The following SAMD5 variants were observed in gnomAD, a reference collection of about 807,000 sequenced individuals.
The protein encoded by SAMD5 is sterile alpha motif domain-containing protein 5.
In SAMD5, 13 loss-of-function variants were observed where a neutral mutation model predicts 11.3. The ratio of observed to expected loss-of-function variants is 1.15; its 90% CI spans 0.75 to 1.83. SAMD5 has a LOEUF of 1.83. Among genes scored for constraint, SAMD5 ranks in the 40% most tolerant of loss-of-function variants. The pLI is 0.00. For synonymous variants in SAMD5, 129 were observed against 111.3 expected (o/e 1.16, Z -1.00); for missense variants, 255 against 239.1 (o/e 1.07, Z -0.44).
chr6:147,617,522 A>G (rs936335325), intron 1 of SAMD5, among the ~76,000 whole-genome samples: 1 of 152,262 alleles, frequency 6.6e-6, no homozygotes, highest in African/African-American at 2.4e-5. Flanking sequence ...AGCTTTATGA[A>G]ATGGAATTGC....
chr6:147,553,003 G>T (rs1788798811), intron 1 of SAMD5, among the ~76,000 whole-genome samples: 1 of 152,148 alleles, frequency 6.6e-6, no homozygotes, highest in African/African-American at 2.4e-5. Flanking sequence ...CTCCTTAGGG[G>T]TGGGTTTACA....
chr6:147,741,760 T>C (rs1791882406), downstream of SAMD5: 1 of 152,230 alleles, frequency 6.6e-6, no homozygotes, highest in African/African-American at 2.4e-5. Context: ...CTGAGGGTAG[T>C]GTGTTACCAC....
chr6:147,531,569 T>G (rs888574498), intron 1 of SAMD5, among the ~76,000 whole-genome samples: 1 of 152,182 alleles, frequency 6.6e-6, no homozygotes, highest in Non-Finnish European at 1.5e-5. Context: ...CTGGGACACA[T>G]TCCTCCATTT....
chr6:147,698,504 C>G (rs1283200188), intron 1 of SAMD5, among the ~76,000 whole-genome samples: 1 of 152,180 alleles, frequency 6.6e-6, no homozygotes, highest in Non-Finnish European at 1.5e-5. Flanking sequence ...AAATAATATT[C>G]AGACTCAAAA....
At chr6:147,836,959 A>G in the SAMD5 span, among the ~76,000 whole-genome samples, 25 of 152,216 alleles carry the variant, frequency 1.6e-4, no homozygotes, top group African/African-American at 5.5e-4. Context: ...CAAAAGAAAA[A>G]CAGAAGGGAT....
the SAMD5 span, among the ~76,000 whole-genome samples, chr6:147,899,614 C>T: frequency 6.6e-6 from 1 of 152,150 alleles, no homozygotes; most frequent in African/African-American, 2.4e-5. Context: ...GACCCTGCCG[C>T]TCCCTCTTGT....
chr6:147,903,090 G>A, the SAMD5 span, among the ~76,000 whole-genome samples: 1 of 152,170 alleles, frequency 6.6e-6, no homozygotes, highest in African/African-American at 2.4e-5. Flanking sequence ...CCTCTATGAG[G>A]TCAGGCCTTC....
At chr6:147,807,720 G>T in the SAMD5 span, among the ~76,000 whole-genome samples, 1 of 152,072 alleles carries the variant, frequency 6.6e-6, no homozygotes, top group African/African-American at 2.4e-5. Flanking sequence ...TTAGACAATG[G>T]GTATACATCC....
the SAMD5 span, among the ~76,000 whole-genome samples, chr6:147,804,796 G>T: frequency 2.0e-5 from 3 of 152,168 alleles, no homozygotes; most frequent in African/African-American, 7.2e-5. Flanking sequence ...ATATTAAGCT[G>T]CTTTGCCAGC....
At chr6:147,889,464 T>A in the SAMD5 span, among the ~76,000 whole-genome samples, 1 of 152,334 alleles carries the variant, frequency 6.6e-6, no homozygotes, top group South Asian at 2.1e-4. Flanking sequence ...TATTTCTGGG[T>A]CTGTTTTAAC....
downstream of SAMD5, among the ~76,000 whole-genome samples, chr6:147,739,875 A>G (rs569848389): frequency 2.0e-5 from 3 of 152,002 alleles, no homozygotes; most frequent in East Asian, 3.9e-4. Context: ...GCTGGAGTGC[A>G]GCGGCATGAT....
chr6:147,801,471 C>G, the SAMD5 span, among the ~76,000 whole-genome samples: 1 of 152,102 alleles, frequency 6.6e-6, no homozygotes, highest in African/African-American at 2.4e-5. Context: ...ACTCAGGAAC[C>G]AGCAAGAAGG....
chr6:147,913,216 A>AG, the SAMD5 span, among the ~76,000 whole-genome samples: 1 of 152,202 alleles, frequency 6.6e-6, no homozygotes, highest in Admixed American at 6.5e-5. Flanking sequence ...TGCAAAAAAA[A>AG]GAAAGGAAGA....
chr6:147,803,131 CTGTGTGTGTGTGTGTGTGTGTG>C, the SAMD5 span, among the ~76,000 whole-genome samples: 32 of 136,818 alleles, frequency 2.3e-4, no homozygotes, highest in East Asian at 1.1e-3. Flanking sequence ...GCCTTCCTTT[CTGTGTGTGTGTGTGTGTGTGTG>C]TGTGTGTGTG....
At chr6:147,876,635 T>C in the SAMD5 span, among the ~76,000 whole-genome samples, 7 of 152,330 alleles carry the variant, frequency 4.6e-5, no homozygotes, top group Admixed American at 3.9e-4. Flanking sequence ...CACTTTATGA[T>C]ACATTGTCAG....
chr6:147,895,733 A>G, the SAMD5 span, among the ~76,000 whole-genome samples: 1 of 152,240 alleles, frequency 6.6e-6, no homozygotes, highest in Non-Finnish European at 1.5e-5. Context: ...TTGAAGAAAG[A>G]GGCTGACTGG....
At chr6:147,839,948 T>G in the SAMD5 span, among the ~76,000 whole-genome samples, 1 of 152,180 alleles carries the variant, frequency 6.6e-6, no homozygotes, top group African/African-American at 2.4e-5. Context: ...TCAGAAATAT[T>G]CATAATGTGT....
chr6:147,774,671 G>C, the SAMD5 span, among the ~76,000 whole-genome samples: 5 of 151,988 alleles, frequency 3.3e-5, no homozygotes, highest in Admixed American at 1.3e-4. Context: ...TTGTAGAAGA[G>C]TGGAGGGATT....
chr6:147,600,061 G>A (rs62434735), intron 1 of SAMD5, among the ~76,000 whole-genome samples: 14,718 of 152,114 alleles, frequency 0.097, 798 homozygotes, highest in Middle Eastern at 0.16. Context: ...GAGCATTCTG[G>A]TTTGGGAGTG....
Sources: gnomAD v4.1 joint callset for allele counts (sites outside exome capture counted in the v4.1 genomes callset) on GRCh38, gnomAD v4.1.1 for gene constraint, MANE v1.5 for transcripts, NCBI Gene and HGNC (gene_info 2026-07-23, HGNC 2026-07-21) for gene names.